The following ARHGEF10 variants were observed in gnomAD, a reference collection of about 807,000 sequenced individuals.
The protein encoded by ARHGEF10 is Rho guanine nucleotide exchange factor 10, also known as Rho guanine nucleotide exchange factor (GEF) 10.
In ARHGEF10, 140 loss-of-function variants were observed where a neutral mutation model predicts 147.4. The ratio of observed to expected loss-of-function variants is 0.95; its 90% CI spans 0.83 to 1.09. ARHGEF10 has a LOEUF of 1.09. ARHGEF10 is among the 50% of genes least tolerant of loss of function. The probability of loss-of-function intolerance (pLI) is 0.00; values close to 1 mark genes in which losing one functional copy is unlikely to be tolerated. For synonymous variants in ARHGEF10, 902 were observed against 695.8 expected, an observed-to-expected ratio of 1.30 and a Z score of -4.67; for missense variants, 2,222 against 1,752.7, an observed-to-expected ratio of 1.27 and a Z score of -4.78.
intron 23 of ARHGEF10, 64 bp downstream of exon 23, chr8:1,926,527 A>G (rs955510683): frequency 2.0e-6 from 3 of 1,463,708 alleles, no homozygotes; most frequent in African/African-American, 1.4e-5. Context: ...GGTCGGTGTG[A>G]TGAGAGACTG....
In ARHGEF10 at chr8:1,909,409, C is replaced by T. The variant is rs1463147808; in HGVS notation, c.2082C>T (p.His694=). The T allele has an allele frequency of 4.3e-6, 7 of 1,614,038 alleles. No homozygotes were observed. Among genetic ancestry groups the T allele is most frequent in the East Asian group, 2.2e-5 (1 of 44,896 alleles). ...GCAGCAGCGCAGGCACGGGCGAGCA[C>T]AGCAGGCACCTTGCCGTTCACCCGC... ...EYGSSAGTGE[H]SRHLAVHPPE... is the part of the protein sequence containing the mutation. Residue 694 remains histidine, a synonymous_variant, in exon 18 of 29, where the codon CAC becomes CAT. Coordinates refer to ENST00000349830, the MANE Select transcript of ARHGEF10 (RefSeq NM_014629.4).
chr8:1,833,108 A>G (rs796165231), intron 1 of ARHGEF10, among the ~76,000 whole-genome samples: 2 of 131,492 alleles, frequency 1.5e-5, no homozygotes, highest in East Asian at 2.4e-4. Flanking sequence ...AGAGACAGAG[A>G]CAGAGGCAGA....
intron 1 of ARHGEF10, among the ~76,000 whole-genome samples, chr8:1,829,158 T>A (rs1406476513): frequency 1.3e-5 from 2 of 152,240 alleles, no homozygotes; most frequent in African/African-American, 2.4e-5. Context: ...GGGCCTGAGC[T>A]GAGTCGTCCC....
intron 27 of ARHGEF10, among the ~76,000 whole-genome samples, chr8:1,946,145 AT>A (rs1328390619): frequency 6.6e-6 from 1 of 152,136 alleles, no homozygotes; most frequent in East Asian, 1.9e-4. Flanking sequence ...GCCATTACAC[AT>A]TGAGTTTTGG....
chr8:1,937,085 C>T lies in ARHGEF10; in HGVS notation c.3222+3143C>T, dbSNP rs950146325. Among the ~76,000 whole-genome samples the T allele has an allele frequency of 3.3e-5, 5 of 152,166 alleles. No individual in the cohort carries two copies. Among genetic ancestry groups the T allele is most frequent in the Admixed American group, 6.5e-5 (1 of 15,282 alleles). ...TTGACACAGCCTCCCCGACGTCCTTCGAGACCTGGTCTGCTAGACAGGAAC... is the reference window on the plus strand; with the variant it reads ...TTGACACAGCCTCCCCGACGTCCTTTGAGACCTGGTCTGCTAGACAGGAAC... On this transcript the variant is annotated intron_variant, in intron 26 of 28. Transcript: ENST00000349830. The surrounding 1 kb of genome is among the most constrained non-coding windows in gnomAD (Gnocchi z 4.9).
chr8:1,862,775 CTTTTTT>C (rs10594929), intron 4 of ARHGEF10, among the ~76,000 whole-genome samples: 14 of 120,506 alleles, frequency 1.2e-4, no homozygotes, highest in African/African-American at 3.7e-4. Flanking sequence ...TTTTCTTCTT[CTTTTTT>C]TTTTTTTTTT....
chr8:1,944,190 C>T (rs1406857213), intron 26 of ARHGEF10, among the ~76,000 whole-genome samples: 1 of 151,396 alleles, frequency 6.6e-6, no homozygotes, highest in South Asian at 2.1e-4. Flanking sequence ...CGTGCTACCT[C>T]CCTGGGGACC....
chr8:1,952,914 G>A (rs540140772), intron 28 of ARHGEF10, 87 bp downstream of exon 28: 16 of 1,570,644 alleles, frequency 1.0e-5, no homozygotes, highest in Non-Finnish European at 1.4e-5. Flanking sequence ...TAACATCCTA[G>A]GATTCTTTAA....
At chr8:1,893,501 A>G (rs1389065623) in intron 11 of ARHGEF10, 68 bp from the exon 12 acceptor site, 20 of 1,042,322 alleles carry the variant, frequency 1.9e-5, no homozygotes, top group Non-Finnish European at 3.0e-5. Context: ...GCCTCAGCAT[A>G]GAAGTAAAAT....
At chr8:1,913,156 G>T (rs866932019) in intron 18 of ARHGEF10, among the ~76,000 whole-genome samples, 1 of 152,070 alleles carries the variant, frequency 6.6e-6, no homozygotes, top group Non-Finnish European at 1.5e-5. Context: ...GGGAGGTGGC[G>T]CATAGCCCCA....
At chr8:1,834,710 A>G (rs7387547) in intron 1 of ARHGEF10, among the ~76,000 whole-genome samples, 90,338 of 152,098 alleles carry the variant, frequency 0.59, 27,150 homozygotes, top group Middle Eastern at 0.72. Flanking sequence ...TAACCATGAC[A>G]TTCCAGAAGG....
intron 9 of ARHGEF10, among the ~76,000 whole-genome samples, chr8:1,881,108 C>A (rs550270920): frequency 1.3e-5 from 2 of 152,206 alleles, no homozygotes; most frequent in East Asian, 3.9e-4. Flanking sequence ...ACGGGGAGTG[C>A]CCTGGCTGAA....
intron 1 of ARHGEF10, among the ~76,000 whole-genome samples, chr8:1,833,071 GAGGC>G (rs1296682305): frequency 1.4e-5 from 1 of 72,136 alleles, no homozygotes; most frequent in Non-Finnish European, 2.9e-5. Flanking sequence ...GACAGAGACA[GAGGC>G]AGAGAGACAG....
chr8:1,918,107 A>G (rs907262779), intron 18 of ARHGEF10, among the ~76,000 whole-genome samples: 1 of 152,104 alleles, frequency 6.6e-6, no homozygotes, highest in Non-Finnish European at 1.5e-5. Flanking sequence ...TTCTTTAATC[A>G]ATTTTGGCCT....
intron 2 of ARHGEF10, among the ~76,000 whole-genome samples, chr8:1,856,059 G>A (rs996224129): frequency 2.0e-5 from 3 of 152,064 alleles, no homozygotes; most frequent in Non-Finnish European, 4.4e-5. Flanking sequence ...CCCCTGCTTC[G>A]ATTGTTTCAT....
chr8:1,890,232 GGT>G, intron 11 of ARHGEF10, among the ~76,000 whole-genome samples: 1 of 134,526 alleles, frequency 7.4e-6, no homozygotes, highest in East Asian at 2.4e-4. Context: ...GTGGGGTGAG[GGT>G]TTGTGAGGAG....
intron 27 of ARHGEF10, among the ~76,000 whole-genome samples, chr8:1,950,136 C>A (rs1280888017): frequency 6.6e-6 from 1 of 152,196 alleles, no homozygotes; most frequent in African/African-American, 2.4e-5. Flanking sequence ...CACTGTGCAG[C>A]TGCATCACCG....
intron 16 of ARHGEF10, chr8:1,903,710 G>T (rs1431269372): frequency 1.8e-6 from 1 of 556,140 alleles, no homozygotes; most frequent in African/African-American, 1.9e-5. Context: ...ATGGATCCAG[G>T]ACCTCCCAAG....
chr8:1,950,169 C>A (rs1194392151), intron 27 of ARHGEF10, among the ~76,000 whole-genome samples: 2 of 152,202 alleles, frequency 1.3e-5, no homozygotes, highest in African/African-American at 2.4e-5. Context: ...GCTGCCCCTG[C>A]CTCCCACCTC....
Sources: allele counts gnomAD v4.1 joint callset (sites outside exome capture counted in the v4.1 genomes callset), GRCh38; gene constraint gnomAD v4.1.1; non-coding constraint Gnocchi (gnomAD v3.1); transcripts MANE v1.5; gene names NCBI Gene and HGNC (gene_info 2026-07-23, HGNC 2026-07-21).